LUZP2: variants seen among roughly 807,000 people sequenced by gnomAD.
LUZP2 encodes the protein leucine zipper protein 2.
A neutral mutation model predicts 51.6 loss-of-function variants in LUZP2; 52 were observed. That is an observed-to-expected ratio of 1.01 (90% CI 0.81 to 1.27). The LOEUF (loss-of-function observed/expected upper bound fraction) is 1.27, where lower values mean the gene tolerates loss of function less well. LUZP2 is among the 50% of genes most tolerant of loss of function. The probability of loss-of-function intolerance (pLI) is 0.00; values close to 1 mark genes in which losing one functional copy is unlikely to be tolerated. For synonymous variants in LUZP2, 154 were observed against 137.3 expected (o/e 1.12, Z -0.85); for missense variants, 436 against 395.4 (o/e 1.10, Z -0.87).
At chr11:24,726,664 A>T (rs1004192563) in intron 1 of LUZP2, among the ~76,000 whole-genome samples, 6 of 152,072 alleles carry the variant, frequency 3.9e-5, no homozygotes, top group African/African-American at 1.4e-4. Flanking sequence ...GAAAGAAAAA[A>T]TTGGAAACAC....
intron 6 of LUZP2, among the ~76,000 whole-genome samples, chr11:24,906,394 T>A (rs1348716781): frequency 2.0e-5 from 3 of 151,978 alleles, no homozygotes; most frequent in Non-Finnish European, 4.4e-5. Context: ...TCTTGTACTT[T>A]CTATGTGATG....
intron 4 of LUZP2, among the ~76,000 whole-genome samples, chr11:24,745,288 A>G (rs1859337222): frequency 6.6e-6 from 1 of 151,972 alleles, no homozygotes; most frequent in Non-Finnish European, 1.5e-5. Context: ...TGACCTTTCT[A>G]GTACTGTCAG....
chr11:24,851,019 T>C (rs2631457), intron 5 of LUZP2, among the ~76,000 whole-genome samples: 23,048 of 152,182 alleles, frequency 0.15, 1,896 homozygotes, highest in African/African-American at 0.2. Context: ...TGGACTGAGA[T>C]AATGGGGTTG....
At chr11:24,691,516 C>T (rs1857065830) in intron 1 of LUZP2, among the ~76,000 whole-genome samples, 1 of 150,746 alleles carries the variant, frequency 6.6e-6, no homozygotes, top group African/African-American at 2.4e-5. Flanking sequence ...TTTCAAGACC[C>T]ACCAAATCTG....
intron 9 of LUZP2, among the ~76,000 whole-genome samples, chr11:25,043,721 T>C (rs1404590250): frequency 1.3e-5 from 2 of 148,588 alleles, no homozygotes; most frequent in Non-Finnish European, 3.0e-5. Flanking sequence ...TATATACATA[T>C]ATAATATTTA....
intron 9 of LUZP2, among the ~76,000 whole-genome samples, chr11:25,026,745 A>C (rs1438021155): frequency 1.3e-5 from 2 of 152,108 alleles, no homozygotes; most frequent in Admixed American, 6.6e-5. Flanking sequence ...TTTCTGACAC[A>C]TGACAAGAGT....
At chr11:25,052,818 A>G (rs762582184) in intron 10 of LUZP2, among the ~76,000 whole-genome samples, 19 of 152,006 alleles carry the variant, frequency 1.2e-4, no homozygotes, top group Non-Finnish European at 1.8e-4. Flanking sequence ...TATTTTGTCT[A>G]TTTTGGGGTG....
At chr11:25,014,746 T>G (rs1211514336) in intron 9 of LUZP2, among the ~76,000 whole-genome samples, 1 of 152,162 alleles carries the variant, frequency 6.6e-6, no homozygotes, top group Non-Finnish European at 1.5e-5. Context: ...CAGAAGCTCT[T>G]TAGTTTAATT....
intron 5 of LUZP2, among the ~76,000 whole-genome samples, chr11:24,818,190 CA>C (rs1317469195): frequency 2.0e-5 from 3 of 151,990 alleles, no homozygotes; most frequent in Non-Finnish European, 2.9e-5. Context: ...AGATGGATGA[CA>C]AGATGGATGA....
At chr11:24,869,882 T>C (rs181144813) in intron 5 of LUZP2, among the ~76,000 whole-genome samples, 165 of 152,264 alleles carry the variant, frequency 1.1e-3, no homozygotes, top group African/African-American at 3.8e-3. Flanking sequence ...ATGTTTACGC[T>C]TAGTGGGAAA....
chr11:24,755,417 G>A (rs970613526), intron 4 of LUZP2, among the ~76,000 whole-genome samples: 3 of 152,154 alleles, frequency 2.0e-5, no homozygotes, highest in African/African-American at 7.2e-5. Flanking sequence ...CTAGTGGCCT[G>A]AGCTCAGACA....
At chr11:24,667,638 T>C (rs1183591632) in intron 1 of LUZP2, among the ~76,000 whole-genome samples, 1 of 152,198 alleles carries the variant, frequency 6.6e-6, no homozygotes, top group Non-Finnish European at 1.5e-5. Flanking sequence ...ATTTCTGACT[T>C]GGAATTCAGA....
At chr11:24,569,212 C>T (rs1020621176) in intron 1 of LUZP2, among the ~76,000 whole-genome samples, 1 of 151,986 alleles carries the variant, frequency 6.6e-6, no homozygotes, top group Non-Finnish European at 1.5e-5. Flanking sequence ...GCATTTGTAT[C>T]TACATCTACA....
chr11:24,782,434 G>A (rs1849121599), intron 5 of LUZP2, among the ~76,000 whole-genome samples: 1 of 151,902 alleles, frequency 6.6e-6, no homozygotes, highest in African/African-American at 2.4e-5. Flanking sequence ...GTGCTGCCAG[G>A]ACTCAATGAT....
chr11:24,601,311 T>C (rs1393054739), intron 1 of LUZP2, among the ~76,000 whole-genome samples: 1 of 152,050 alleles, frequency 6.6e-6, no homozygotes, highest in Non-Finnish European at 1.5e-5. Context: ...TACAGAAATG[T>C]CAGCTGTGTG....
chr11:24,799,809 G>A lies in LUZP2; in HGVS notation c.396+36501G>A, dbSNP rs369015299. Among the ~76,000 whole-genome samples the A allele has an allele frequency of 1.1e-3, 166 of 152,214 alleles. 1 individual carries two copies. Among genetic ancestry groups the A allele is most frequent in the African/African-American group, 3.9e-3 (161 of 41,540 alleles). ...AATGATTTAATTCCAGGCAGTGGAA[G>A]TTACTATTAGAATACAAAAGTAATA... On this transcript the variant is annotated intron_variant, in intron 5 of 11. Transcript: ENST00000336930.
At chr11:24,718,257 C>T (rs1858131005) in intron 1 of LUZP2, among the ~76,000 whole-genome samples, 1 of 152,122 alleles carries the variant, frequency 6.6e-6, no homozygotes, top group South Asian at 2.1e-4. Flanking sequence ...GCTGCTGTTC[C>T]GTATTCCAAT....
intron 1 of LUZP2, among the ~76,000 whole-genome samples, chr11:24,650,359 T>C (rs1322214036): frequency 2.0e-5 from 3 of 151,896 alleles, no homozygotes; most frequent in African/African-American, 4.8e-5. Context: ...AAATTACATT[T>C]CTTATAATTT....
chr11:24,946,902 CTATA>C (rs1229679717), intron 7 of LUZP2, among the ~76,000 whole-genome samples: 3 of 151,916 alleles, frequency 2.0e-5, no homozygotes, highest in Non-Finnish European at 2.9e-5. Flanking sequence ...ACATATATAT[CTATA>C]TATTCATATA....
Sources: gnomAD v4.1 joint callset for allele counts (sites outside exome capture counted in the v4.1 genomes callset) on GRCh38, gnomAD v4.1.1 for gene constraint, MANE v1.5 for transcripts, NCBI Gene and HGNC (gene_info 2026-07-23, HGNC 2026-07-21) for gene names.